Variants in STK11 observed in about 807,000 individuals in gnomAD.
The protein encoded by STK11 is serine/threonine-protein kinase STK11.
Under a neutral mutation model 47.3 loss-of-function variants are expected in STK11, and 8 were observed. The observed-to-expected ratio is 0.17, with a 90% CI of 0.10 to 0.31. The LOEUF (loss-of-function observed/expected upper bound fraction) is 0.31. STK11 is among the 10% of genes least tolerant of loss of function. STK11 has a pLI of 1.00. For synonymous variants in STK11, 330 were observed against 255.8 expected (o/e 1.29, Z -2.77); for missense variants, 475 against 605.0 (o/e 0.79, Z 2.25).
chr19:1,210,640 C>T (rs143830084), intron 1 of STK11, among the ~76,000 whole-genome samples: 510 of 152,306 alleles, frequency 3.3e-3, no homozygotes, highest in African/African-American at 0.011. Context: ...GAGGCCAAGG[C>T]GGGTGGATCA....
At chr19:1,211,827 G>A (rs576083456) in intron 1 of STK11, among the ~76,000 whole-genome samples, 1 of 152,356 alleles carries the variant, frequency 6.6e-6, no homozygotes, top group South Asian at 2.1e-4. Flanking sequence ...GCGATGATTG[G>A]CAGATGCTTG....
At chr19:1,218,008 G>A (rs2080755605) in intron 1 of STK11, among the ~76,000 whole-genome samples, 2 of 152,206 alleles carry the variant, frequency 1.3e-5, no homozygotes, top group Admixed American at 6.5e-5. Flanking sequence ...GCCGGCTGTG[G>A]TGACACGTGC....
Position 1,226,505 on chromosome 19 carries a change from C to T in STK11, c.1160C>T (p.Pro387Leu), listed in dbSNP as rs587782493. 1.9e-6 allele frequency: 3 copies of T among 1,610,876 alleles called. No homozygotes were observed. The highest frequency in any genetic ancestry group is 1.7e-4 in the Middle Eastern group (1 of 6,014). ...CACAATGGACAGCGCCGGGGCCTCC[C>T]CAAGGCCGTGTGTATGAACGGCACA... ...ASHNGQRRGL[P>L]KAVCMNGTEA... is the part of the protein sequence containing the mutation. The change falls in exon 9 of 10, where the codon CCC becomes CTC. Residue 387 changes from proline (P) to leucine (L), a missense_variant. Transcript: ENST00000326873.
At chr19:1,218,374 T>C (rs2145420300) in intron 1 of STK11, 43 bp from the exon 2 acceptor site, 1 of 1,535,756 alleles carries the variant, frequency 6.5e-7, no homozygotes, top group Non-Finnish European at 9.0e-7. Flanking sequence ...GCCATCATCC[T>C]GACGTTGGGT....
rs765275672 is a variant in STK11 at position 1,228,014 on chromosome 19, C to T, written c.*438C>T. The T allele has an allele frequency of 1.0e-5, 11 of 1,067,332 alleles. No homozygotes were observed. The East Asian group carries it at 2.0e-4, about 19-fold the overall frequency. 66.1% of individuals were successfully genotyped at this position (1,067,332 alleles called of 1,614,324 possible). A position where few individuals can be genotyped will look rare whatever the true frequency, so the allele number is the denominator to read the frequency against. ...CATGCAGCGCCACCTGGAAGCCGCG[C>T]GGCCGCTTTGGTTTTTTGTTTGGTT... On this transcript the variant is annotated 3_prime_UTR_variant, in exon 10 of 10. Transcript: ENST00000326873.
At position 1,207,192 on chromosome 19, in the gene STK11, C is replaced by G. The variant is rs786201852; in HGVS notation, c.279C>G (p.Ala93=). ...KKLRRIPNGE[A]NVKKEIQLLR... is the part of the protein sequence containing the mutation. ...TGCGAAGGATCCCCAACGGGGAGGC[C>G]AACGTGAAGAAGTAAGTATGGCTTG... The change falls in exon 1 of 10, where the codon GCC becomes GCG. Residue 93 remains alanine, a synonymous_variant. Coordinates refer to ENST00000326873, the MANE Select transcript of STK11 (RefSeq NM_000455.5). The G allele has an allele frequency of 1.2e-6, 2 of 1,604,266 alleles. No homozygotes were observed. Among genetic ancestry groups the G allele is most frequent in the African/African-American group, 2.7e-5 (2 of 74,732 alleles).
At chr19:1,214,724 G>A (rs562306049) in intron 1 of STK11, among the ~76,000 whole-genome samples, 4 of 152,330 alleles carry the variant, frequency 2.6e-5, no homozygotes, top group Admixed American at 1.3e-4. Flanking sequence ...GAGCCTGGGT[G>A]GGTGTGGGGT....
intron 8 of STK11, chr19:1,225,796 G>A (rs1450217624): frequency 6.3e-5 from 62 of 985,446 alleles, no homozygotes; most frequent in East Asian, 1.1e-4. Flanking sequence ...CAACCACCAC[G>A]GCTCCTCGCA....
intron 1 of STK11, among the ~76,000 whole-genome samples, chr19:1,212,054 C>T (rs914083397): frequency 2.6e-5 from 4 of 152,080 alleles, no homozygotes; most frequent in Admixed American, 6.6e-5. Flanking sequence ...GCTGGGCAGC[C>T]GCAGAACAGC....
chr19:1,225,949 T>C, intron 8 of STK11: 2 of 992,880 alleles, frequency 2.0e-6, no homozygotes, highest in South Asian at 9.0e-5. Context: ...TGGGGGCAGC[T>C]GGGGGCCCTG....
At position 1,206,660 on chromosome 19, in the gene STK11, G is replaced by T. The variant is rs1285312999; in HGVS notation, c.-254G>T. On this transcript the variant is annotated 5_prime_UTR_variant, in exon 1 of 10. Transcript: ENST00000326873. The stretch of plus-strand genomic sequence containing the variant: ...GGGTCCCACTGGAACTCGCGTCTGA[G>T]CCGCCGTCCCGGACCCCCGGTGCCC... The T allele has an allele frequency of 3.7e-6, 2 of 537,698 alleles. No individual in the cohort carries two copies. The highest frequency in any genetic ancestry group is 6.5e-6 in the Non-Finnish European group (2 of 307,428). 33.3% of individuals were successfully genotyped at this position (537,698 alleles called of 1,614,324 possible).
At chr19:1,209,666 G>GGGAA (rs1377701066) in intron 1 of STK11, among the ~76,000 whole-genome samples, 4 of 152,158 alleles carry the variant, frequency 2.6e-5, no homozygotes. Flanking sequence ...CAGGGTCAAT[G>GGGAA]GGAAGACAGA....
chr19:1,221,568 G>C lies in STK11; in HGVS notation c.862+228G>C. ...CTCCGAACTCCCACCCCAGAGGGCA[G>C]TGCTGCCCTGCGCCTCCCCCAGCCC... On this transcript the variant is annotated intron_variant, in intron 6 of 9. Transcript: ENST00000326873. 5.8e-6 allele frequency: 4 copies of C among 685,742 alleles called. No individual in the cohort carries two copies. The South Asian group carries it at 6.2e-5, about 11-fold the overall frequency. The allele number at this position is 685,742 out of a possible 1,614,324, so 42.5% of individuals were successfully genotyped here.
At chr19:1,214,157 G>A (rs540350960) in intron 1 of STK11, among the ~76,000 whole-genome samples, 1 of 152,282 alleles carries the variant, frequency 6.6e-6, no homozygotes, top group Admixed American at 6.5e-5. Context: ...AGGTTTCGCT[G>A]GGCCTCCTCT....
chr19:1,222,512 C>T (rs1008219534), intron 7 of STK11, among the ~76,000 whole-genome samples: 5 of 152,226 alleles, frequency 3.3e-5, no homozygotes, highest in Non-Finnish European at 5.9e-5. Flanking sequence ...CTCCGAGCCC[C>T]GAGGCCACCC....
At chr19:1,220,030 C>T (rs150258495) in intron 3 of STK11, 116 of 285,774 alleles carry the variant, frequency 4.1e-4, no homozygotes, top group African/African-American at 2.2e-3. Flanking sequence ...AGGTCTGTGG[C>T]CTCAGAGTCA....
intron 8 of STK11, chr19:1,224,075 C>T (rs973999604): frequency 2.3e-5 from 23 of 998,366 alleles, no homozygotes; most frequent in African/African-American, 3.5e-5. Flanking sequence ...AGAGAGCCCC[C>T]CATTAGGTCC....
At chr19:1,225,608 G>A (rs762264512) in intron 8 of STK11, 21 of 985,392 alleles carry the variant, frequency 2.1e-5, no homozygotes, top group Non-Finnish European at 1.7e-5. Context: ...CTGTGCACAT[G>A]GGGTGGGTGT....
At position 1,220,354 on chromosome 19, in the gene STK11, G is replaced by A. The variant is rs776367814; in HGVS notation, c.465-19G>A. The stretch of plus-strand genomic sequence containing the variant: ...GGCAGGGAGGCCTCGGCCCCAGGAC[G>A]GGTGTGTGCTGCCCGCAGGTACTTC... On this transcript the variant is annotated intron_variant, in intron 3 of 9. Transcript: ENST00000326873. The A allele has an allele frequency of 1.4e-5, 23 of 1,592,090 alleles. 1 individual carries two copies. The East Asian group carries it at 2.0e-4, about 14-fold the overall frequency.
Sources: allele counts gnomAD v4.1 joint callset (sites outside exome capture counted in the v4.1 genomes callset), GRCh38; gene constraint gnomAD v4.1.1; transcripts MANE v1.5; gene names NCBI Gene and HGNC (gene_info 2026-07-23, HGNC 2026-07-21).